Variants in DQX1 observed in about 807,000 individuals in gnomAD.
DQX1 encodes the protein DEAQ-box RNA dependent ATPase 1, also known as ATP-dependent RNA helicase homolog DQX1.
Under a neutral mutation model 81.3 loss-of-function variants are expected in DQX1, and 66 were observed. The ratio of observed to expected loss-of-function variants is 0.81; its 90% CI spans 0.67 to 1.00. The LOEUF is 1.00. Among genes scored for constraint, DQX1 ranks in the 50% least tolerant of loss-of-function variants. The probability of loss-of-function intolerance (pLI) is 0.00; values close to 1 mark genes in which losing one functional copy is unlikely to be tolerated. For synonymous variants in DQX1, 290 were observed against 350.0 expected (o/e 0.83, Z 1.91); for missense variants, 798 against 867.9 (o/e 0.92, Z 1.01).
At position 74,525,809 on chromosome 2, in the gene DQX1, C is replaced by T; in HGVS notation, c.-19-61G>A. 2 of 1,199,876 alleles carry T rather than the reference C, an allele frequency of 1.7e-6. No homozygotes were observed. Among genetic ancestry groups the T allele is most frequent in the Non-Finnish European group, 2.3e-6 (2 of 853,792 alleles). 74.3% of individuals were successfully genotyped at this position (1,199,876 alleles called of 1,614,324 possible). On this transcript the variant is annotated intron_variant, in intron 1 of 11. Coordinates refer to ENST00000404568, the MANE Select transcript of DQX1 (RefSeq NM_133637.3). The surrounding 1 kb of genome is among the most constrained non-coding windows in gnomAD (Gnocchi z 4.1). Reference sequence around the variant, plus strand: ...GGTGACCGACACCATCTTCCCACCTCAGCCCTGATCCTTAACCTCTACCTT... The same window carrying T: ...GGTGACCGACACCATCTTCCCACCTTAGCCCTGATCCTTAACCTCTACCTT...
chr2:74,519,066 G>A lies in DQX1; in HGVS notation c.1971C>T (p.Ser657=), dbSNP rs1674958050. 1 of 1,595,560 alleles carries A rather than the reference G, an allele frequency of 6.3e-7. No homozygotes were observed. Among genetic ancestry groups the A allele is most frequent in the Non-Finnish European group, 8.5e-7 (1 of 1,170,442 alleles). ...NFTISKDNCL[S]IVSEIQPQML... ...TCTGTGGTTGAATCTCAGAAACAAT[G>A]GAAAGGCAGTTGTCTTTGGATATGG... The change falls in exon 11 of 12, where the codon TCC becomes TCT. Residue 657 remains serine (S), a synonymous_variant. Coordinates refer to ENST00000404568, the MANE Select transcript of DQX1 (RefSeq NM_133637.3).
chr2:74,519,870 CCT>C, intron 9 of DQX1, 43 bp downstream of exon 9: 3 of 1,602,742 alleles, frequency 1.9e-6, no homozygotes, highest in East Asian at 2.2e-5. Flanking sequence ...TAAAATTTCC[CCT>C]CTTTGGAAAA....
At chr2:74,522,802 A>C (rs772848624) in intron 7 of DQX1, 31 bp from the exon 8 acceptor site, 8 of 1,613,262 alleles carry the variant, frequency 5.0e-6, no homozygotes, top group African/African-American at 2.7e-5. Flanking sequence ...ACAGGATATG[A>C]AGTTTCAGAA....
At chr2:74,523,618 G>A (rs1165729614) in intron 4 of DQX1, 81 bp from the exon 5 acceptor site, 2 of 1,340,082 alleles carry the variant, frequency 1.5e-6, no homozygotes, top group Non-Finnish European at 1.0e-6. Context: ...ACTGTTGAAA[G>A]TTATGGCCCT....
chr2:74,522,973 C>G lies in DQX1; in HGVS notation c.1186G>C (p.Glu396Gln), dbSNP rs930202995. The G allele has an allele frequency of 6.2e-7, 1 of 1,614,034 alleles. No homozygotes were observed. The highest frequency in any genetic ancestry group is 1.3e-5 in the African/African-American group (1 of 74,900). ...CLYPKSFLEL[E>Q]APPLPQPRVC... ...CTGGGTTGTGGCAATGGTGGAGCTT[C>G]TAGTTCTAAGAAGGACTTAGGATAC... is the stretch of plus-strand genomic sequence containing the variant. Residue 396 changes from glutamate to glutamine, a missense_variant, in exon 7 of 12, where the codon GAA becomes CAA. Transcript: ENST00000404568.
chr2:74,521,704 G>GCT lies in DQX1; in HGVS notation c.1495+874_1495+875dup, dbSNP rs1263206038. On this transcript the variant is annotated intron_variant, in intron 8 of 11. Coordinates refer to ENST00000404568, the MANE Select transcript of DQX1 (RefSeq NM_133637.3). ...AAACGTTCATCAGGAGTTGGAGTATGCTCTCTCTCTCTCCCTCTCTTTCCC... is the reference window on the plus strand; with the variant it reads ...AAACGTTCATCAGGAGTTGGAGTATGCTCTCTCTCTCTCTCCCTCTCTTTCCC... 4.0e-5 allele frequency among the ~76,000 whole-genome samples: 6 copies of GCT among 148,244 alleles called. No homozygotes were observed. The South Asian group carries it at 8.6e-4, about 21-fold the overall frequency.
At position 74,525,048 on chromosome 2, in the gene DQX1, A is replaced by T; in HGVS notation, c.392T>A (p.Ile131Asn). 6.2e-7 allele frequency: 1 copy of T among 1,614,008 alleles called. No individual in the cohort carries two copies. The highest frequency in any genetic ancestry group is 1.3e-5 in the African/African-American group (1 of 74,996). The change falls in exon 3 of 12, where the codon ATC (isoleucine) becomes AAC (asparagine). Residue 131 changes from isoleucine to asparagine, a missense_variant. By Grantham distance (149) the Ile-to-Asn change is moderately radical. Transcript: ENST00000404568. The surrounding 1 kb of genome is among the most constrained non-coding windows in gnomAD (Gnocchi z 4.1). ...LTLGHEVGYS[I>N]PQEDCTGPNT... ...GGGCCCCGTGCAGTCCTCCTGGGGGATGCTGTATCCAACCTCATGACCCAG... is the reference window on the plus strand; with the variant it reads ...GGGCCCCGTGCAGTCCTCCTGGGGGTTGCTGTATCCAACCTCATGACCCAG...
chr2:74,520,133 G>A, intron 8 of DQX1, 99 bp from the exon 9 acceptor site: 1 of 1,475,890 alleles, frequency 6.8e-7, no homozygotes, highest in African/African-American at 1.4e-5. Flanking sequence ...GTCCCTTTGG[G>A]AACTTTATTC....
Position 74,525,149 on chromosome 2 carries a change from C to A in DQX1, c.291G>T (p.Gln97His). 6.2e-7 allele frequency: 1 copy of A among 1,612,008 alleles called. No homozygotes were observed. Among genetic ancestry groups the A allele is most frequent in the Non-Finnish European group, 8.5e-7 (1 of 1,178,596 alleles). The change falls in exon 3 of 12, where the codon CAG becomes CAT. Residue 97 changes from glutamine to histidine, a missense_variant. Coordinates refer to ENST00000404568, the MANE Select transcript of DQX1 (RefSeq NM_133637.3). The surrounding 1 kb of genome is among the most constrained non-coding windows in gnomAD (Gnocchi z 4.1). ...FALARGFQKG[Q>H]VTVTQPYPLA... The stretch of plus-strand genomic sequence containing the variant: ...GAGGGTAGGGCTGAGTAACAGTAAC[C>A]TGTCCTTTCTGGAACCCTCTGGCCA...
rs773081252 is a variant in DQX1, at chr2:74,525,140, A to G, written c.300T>C (p.Val100=). 72 of 1,613,130 alleles carry G rather than the reference A, an allele frequency of 4.5e-5. No homozygotes were observed. Among genetic ancestry groups the G allele is most frequent in the Non-Finnish European group, 5.9e-5 (70 of 1,179,406 alleles). ...ARGFQKGQVT[V]TQPYPLAARS... is the part of the protein sequence containing the mutation. ...GGGCTGCAAGAGGGTAGGGCTGAGT[A>G]ACAGTAACCTGTCCTTTCTGGAACC... Residue 100 remains valine, a synonymous_variant, in exon 3 of 12, where the codon GTT becomes GTC. Transcript: ENST00000404568. This position sits in a 1 kb window ranked among gnomAD's most constrained non-coding sequence, Gnocchi z 4.1.
chr2:74,519,247 A>C lies in DQX1; in HGVS notation c.1807-17T>G, dbSNP rs201292454. On this transcript the variant is annotated splice_polypyrimidine_tract_variant and intron_variant, in intron 10 of 11. Transcript: ENST00000404568. Reference sequence around the variant, plus strand: ...TCTGGCCACCTTATTGAAAGGCAGAAATATTGACGGAATAAATAAAAGGGA... The same window carrying C: ...TCTGGCCACCTTATTGAAAGGCAGACATATTGACGGAATAAATAAAAGGGA... The C allele has an allele frequency of 8.4e-6, 13 of 1,539,686 alleles. No individual in the cohort carries two copies. The highest frequency in any genetic ancestry group is 1.2e-5 in the South Asian group (1 of 80,326).
chr2:74,525,408 G>A lies in DQX1; in HGVS notation c.237+85C>T, dbSNP rs1675147858. On this transcript the variant is annotated intron_variant, in intron 2 of 11. Coordinates refer to ENST00000404568, the MANE Select transcript of DQX1 (RefSeq NM_133637.3). This position sits in a 1 kb window ranked among gnomAD's most constrained non-coding sequence, Gnocchi z 4.1. ...CGCAGCCCAGTCCCCCCTTGCCCAG[G>A]GAAAGGCCACTTTCCCTTTGTCCTC... 2.1e-6 allele frequency: 3 copies of A among 1,435,372 alleles called. No homozygotes were observed. Among genetic ancestry groups the A allele is most frequent in the Non-Finnish European group, 2.8e-6 (3 of 1,059,174 alleles). 88.9% of individuals were successfully genotyped at this position (1,435,372 alleles called of 1,614,324 possible).
Position 74,522,721 on chromosome 2 carries a change from G to T in DQX1, c.1354C>A (p.Leu452Met). ...ALEDLDYLAALDDDGDLSDLG... is the reference protein window; with the variant it reads ...ALEDLDYLAAMDDDGDLSDLG... ...TCTGACAGGTCCCCATCATCATCCAGGGCTGCCAGATAGTCTAAATCTTCC... is the reference window on the plus strand; with the variant it reads ...TCTGACAGGTCCCCATCATCATCCATGGCTGCCAGATAGTCTAAATCTTCC... Residue 452 changes from leucine to methionine, a missense_variant, in exon 8 of 12, where the codon CTG becomes ATG. Transcript: ENST00000404568. 2 of 1,614,198 alleles carry T rather than the reference G, an allele frequency of 1.2e-6. No homozygotes were observed. The highest frequency in any genetic ancestry group is 1.7e-6 in the Non-Finnish European group (2 of 1,180,042).
chr2:74,524,737 G>C (rs1004390260), intron 3 of DQX1, among the ~76,000 whole-genome samples: 3 of 152,042 alleles, frequency 2.0e-5, no homozygotes, highest in Non-Finnish European at 2.9e-5. Context: ...ATAAAAATTA[G>C]CCAGGCGTGG....
intron 4 of DQX1, 100 bp downstream of exon 4, chr2:74,523,823 G>C (rs1375637230): frequency 7.0e-7 from 1 of 1,421,592 alleles, no homozygotes; most frequent in African/African-American, 1.4e-5. Flanking sequence ...AAGAGGCATT[G>C]CTCCCATTCC....
Position 74,519,961 on chromosome 2 carries a change from A to G in DQX1, c.1569T>C (p.Asp523=), listed in dbSNP as rs376169998. Reference sequence around the variant, plus strand: ...CCTGGATCAGAGAACTGTGGTCACCATCCGTGTGTTCCAGGGCCCGACGCA... The same window carrying G: ...CCTGGATCAGAGAACTGTGGTCACCGTCCGTGTGTTCCAGGGCCCGACGCA... ...AALRRALEHT[D]GDHSSLIQVY... The change falls in exon 9 of 12, where the codon GAT becomes GAC. Residue 523 remains aspartate, a synonymous_variant. Transcript: ENST00000404568. 2.5e-6 allele frequency: 4 copies of G among 1,614,228 alleles called. No homozygotes were observed. The highest frequency in any genetic ancestry group is 1.1e-5 in the South Asian group (1 of 91,092).
Position 74,523,459 on chromosome 2 carries a change from G to T in DQX1, c.895C>A (p.Pro299Thr). Residue 299 changes from proline to threonine, a missense_variant, in exon 5 of 12, where the codon CCC (proline) becomes ACC (threonine). By Grantham distance (38) the Pro-to-Thr change is conservative. Coordinates refer to ENST00000404568, the MANE Select transcript of DQX1 (RefSeq NM_133637.3). Reference protein sequence around the residue: ...LLQGLPPRVLPLHPDCGRAVQ... With the variant: ...LLQGLPPRVLTLHPDCGRAVQ... ...GCTCGTCCACAGTCTGGGTGAAGGG[G>T]CAGTACTCGTGGTGGAAGCCCTTGG... The T allele has an allele frequency of 3.7e-6, 6 of 1,614,124 alleles. No individual in the cohort carries two copies. The highest frequency in any genetic ancestry group is 5.1e-6 in the Non-Finnish European group (6 of 1,180,028).
rs1674939203 is a variant in DQX1, at chr2:74,518,263, T to C, written c.*183A>G. On this transcript the variant is annotated 3_prime_UTR_variant, in exon 12 of 12. Coordinates refer to ENST00000404568, the MANE Select transcript of DQX1 (RefSeq NM_133637.3). ...AGGCTAAGGAAAGAGTCCTTCCCTA[T>C]GTAGACTGTGGTTTACCCCATTCTT... 2.1e-5 allele frequency: 13 copies of C among 624,100 alleles called. No individual in the cohort carries two copies. Among genetic ancestry groups the C allele is most frequent in the South Asian group, 1.6e-4 (7 of 43,418 alleles). The allele number at this position is 624,100 out of a possible 1,614,324, so 38.7% of individuals were successfully genotyped here.
chr2:74,522,013 G>A (rs963964738), intron 8 of DQX1, among the ~76,000 whole-genome samples: 2 of 152,224 alleles, frequency 1.3e-5, no homozygotes, highest in African/African-American at 4.8e-5. Flanking sequence ...CAATGGATAA[G>A]AAGAGGACAA....
Sources: allele counts gnomAD v4.1 joint callset (sites outside exome capture counted in the v4.1 genomes callset), GRCh38; gene constraint gnomAD v4.1.1; non-coding constraint Gnocchi (gnomAD v3.1); transcripts MANE v1.5; gene names NCBI Gene and HGNC (gene_info 2026-07-23, HGNC 2026-07-21).